NCALD: variants seen among roughly 807,000 people sequenced by gnomAD.
NCALD encodes the protein neurocalcin delta, also known as neurocalcin-delta.
NCALD carries 10 observed loss-of-function variants against 18.6 expected under a neutral mutation model. The ratio of observed to expected loss-of-function variants is 0.54; its 90% CI spans 0.33 to 0.91. NCALD has a LOEUF of 0.91. Ranked by LOEUF, NCALD falls within the 40% of genes least tolerant of loss-of-function variation. The pLI is 0.03. For missense variants in NCALD, 184 were observed against 247.6 expected (o/e 0.74, Z 1.72); for synonymous variants, 88 against 87.4 (o/e 1.01, Z -0.04).
intron 1 of NCALD, among the ~76,000 whole-genome samples, chr8:101,748,936 T>C (rs899629036): frequency 2.6e-5 from 4 of 152,230 alleles, no homozygotes; most frequent in Non-Finnish European, 2.9e-5. Context: ...TGCCACAGGA[T>C]AATCACTGTG....
In NCALD at chr8:102,019,188, G is replaced by A. The variant is rs1822189465; in HGVS notation, c.-157+1049C>T. Among the ~76,000 whole-genome samples the A allele has an allele frequency of 2.0e-5, 3 of 151,868 alleles. No homozygotes were observed. The South Asian group carries it at 6.2e-4, about 32-fold the overall frequency. On this transcript the variant is annotated intron_variant, in intron 2 of 6. Transcript: ENST00000311028. ...GTGCCCCACCTCATTAGTCTATAAGGAAATGCAAATTTAAACAATATGATG... is the reference window on the plus strand; with the variant it reads ...GTGCCCCACCTCATTAGTCTATAAGAAAATGCAAATTTAAACAATATGATG...
intron 3 of NCALD, among the ~76,000 whole-genome samples, chr8:101,912,285 A>G (rs925164247): frequency 2.6e-5 from 4 of 152,080 alleles, no homozygotes; most frequent in African/African-American, 9.7e-5. Context: ...ATGAAAAAAA[A>G]ATTAAGTCAT....
intron 1 of NCALD, among the ~76,000 whole-genome samples, chr8:102,093,066 G>A (rs1731702226): frequency 6.6e-6 from 1 of 151,952 alleles, no homozygotes; most frequent in Non-Finnish European, 1.5e-5. Flanking sequence ...GCTGAGGAGG[G>A]AGTATCACCT....
chr8:102,034,815 A>G (rs1009742228), intron 1 of NCALD, among the ~76,000 whole-genome samples: 6 of 152,198 alleles, frequency 3.9e-5, no homozygotes, highest in African/African-American at 1.4e-4. Context: ...TCTTAAACGT[A>G]CGCGTCCCCT....
At chr8:101,880,252 C>T (rs142664422) in intron 4 of NCALD, among the ~76,000 whole-genome samples, 5 of 152,280 alleles carry the variant, frequency 3.3e-5, no homozygotes, top group Middle Eastern at 3.4e-3. Flanking sequence ...TGCTAAGCCC[C>T]TTACTGCCCG....
chr8:101,780,999 G>C (rs1055329703), intron 1 of NCALD, among the ~76,000 whole-genome samples: 5 of 152,094 alleles, frequency 3.3e-5, no homozygotes, highest in South Asian at 2.1e-4. Flanking sequence ...TGAGGAGAAA[G>C]AGAGTTCTAT....
At chr8:101,846,391 C>T (rs1462306972) in intron 4 of NCALD, among the ~76,000 whole-genome samples, 7 of 152,138 alleles carry the variant, frequency 4.6e-5, no homozygotes, top group Non-Finnish European at 1.0e-4. Flanking sequence ...GCAACTAAAG[C>T]CCTTCAACTG....
chr8:101,712,284 G>T (rs960221378), intron 2 of NCALD, among the ~76,000 whole-genome samples: 3 of 152,012 alleles, frequency 2.0e-5, no homozygotes, highest in Admixed American at 1.3e-4. Flanking sequence ...GGAAAAACTG[G>T]TACCAACCAC....
At chr8:102,025,697 G>A (rs368222029) in intron 1 of NCALD, among the ~76,000 whole-genome samples, 8 of 152,148 alleles carry the variant, frequency 5.3e-5, no homozygotes, top group African/African-American at 1.9e-4. Context: ...AACTCCTCGT[G>A]GGCAAAAATC....
At chr8:102,069,171 A>G (rs181295904) in intron 1 of NCALD, among the ~76,000 whole-genome samples, 1 of 135,090 alleles carries the variant, frequency 7.4e-6, no homozygotes, top group Non-Finnish European at 1.6e-5. Context: ...AAAAATTGCT[A>G]AAAGAGACTT....
In NCALD at chr8:101,765,089, C is replaced by T. The variant is rs77663745; in HGVS notation, c.-20+25773G>A. ...GAGCAGTATGCAAAGAGATTTGTAT[C>T]CTTCTGTGGCCCCAACCTTTAGGAA... On this transcript the variant is annotated intron_variant, in intron 1 of 3. Transcript: ENST00000220931. Among the ~76,000 whole-genome samples the T allele has an allele frequency of 8.1e-4, 124 of 152,256 alleles. 2 individuals carry two copies. The East Asian group carries it at 0.023, about 28-fold the overall frequency.
At chr8:102,046,678 T>C (rs1823254465) in intron 1 of NCALD, among the ~76,000 whole-genome samples, 1 of 152,120 alleles carries the variant, frequency 6.6e-6, no homozygotes, top group South Asian at 2.1e-4. Flanking sequence ...CTAATTTTTG[T>C]ATTTTTTGTA....
intron 1 of NCALD, among the ~76,000 whole-genome samples, chr8:102,091,043 A>G (rs1160864389): frequency 2.6e-5 from 4 of 152,152 alleles, no homozygotes; most frequent in East Asian, 1.9e-4. Context: ...AGGAGCCCCA[A>G]TTTATCTTGG....
chr8:101,861,771 C>G (rs1469625589), intron 4 of NCALD, among the ~76,000 whole-genome samples: 1 of 152,104 alleles, frequency 6.6e-6, no homozygotes, highest in East Asian at 1.9e-4. Flanking sequence ...ATTTGAGACC[C>G]TATGCATTTG....
intron 4 of NCALD, among the ~76,000 whole-genome samples, chr8:101,851,242 G>A (rs1247670537): frequency 1.3e-5 from 2 of 152,054 alleles, no homozygotes; most frequent in African/African-American, 4.8e-5. Context: ...AAGGGAGTGA[G>A]GGAGAAAAGA....
At chr8:102,033,018 A>G (rs574707608) in intron 1 of NCALD, among the ~76,000 whole-genome samples, 1 of 152,308 alleles carries the variant, frequency 6.6e-6, no homozygotes, top group Non-Finnish European at 1.5e-5. Context: ...TCCAGTATGA[A>G]GTGGGCAAAG....
intron 1 of NCALD, among the ~76,000 whole-genome samples, chr8:102,108,033 G>T (rs957916312): frequency 1.3e-5 from 2 of 152,028 alleles, no homozygotes; most frequent in African/African-American, 2.4e-5. Flanking sequence ...CCACTTGGCC[G>T]CCAGCAGAGA....
At chr8:102,080,930 A>G (rs569106395) in intron 1 of NCALD, among the ~76,000 whole-genome samples, 18 of 152,346 alleles carry the variant, frequency 1.2e-4, no homozygotes, top group Admixed American at 1.1e-3. Context: ...ATGCCAAATA[A>G]GGTTTGAAGG....
At chr8:101,866,010 C>T (rs1438382869) in intron 4 of NCALD, among the ~76,000 whole-genome samples, 2 of 152,120 alleles carry the variant, frequency 1.3e-5, no homozygotes, top group Non-Finnish European at 2.9e-5. Context: ...TGCTCCAGTA[C>T]TTGAGAGAAC....
Sources: gnomAD v4.1 joint callset for allele counts (sites outside exome capture counted in the v4.1 genomes callset) on GRCh38, gnomAD v4.1.1 for gene constraint, MANE v1.5 for transcripts, NCBI Gene and HGNC (gene_info 2026-07-23, HGNC 2026-07-21) for gene names.